Variants in TBC1D2 observed in about 807,000 individuals in gnomAD.
TBC1D2 encodes TBC1 domain family member 2.
A neutral mutation model predicts 91.1 loss-of-function variants in TBC1D2; 58 were observed. The observed-to-expected ratio is 0.64, with a 90% CI of 0.52 to 0.79. The LOEUF (loss-of-function observed/expected upper bound fraction) is 0.79. Ranked by LOEUF, TBC1D2 falls within the 30% of genes least tolerant of loss-of-function variation. The pLI is 0.00. For synonymous variants in TBC1D2, 482 were observed against 511.5 expected (o/e 0.94, Z 0.78); for missense variants, 1,080 against 1,208.3 (o/e 0.89, Z 1.57).
intron 3 of TBC1D2, among the ~76,000 whole-genome samples, chr9:98,237,906 T>A (rs1829546828): frequency 6.8e-6 from 1 of 147,708 alleles, no homozygotes; most frequent in African/African-American, 2.4e-5. Flanking sequence ...TTTTCTTTTT[T>A]TTCTTTTTTT....
rs999616268 is a variant in TBC1D2 at position 98,228,674 on chromosome 9, G to A, written c.978+278C>T. Among the ~76,000 whole-genome samples, 19 of 152,202 alleles carry A rather than the reference G, an allele frequency of 1.2e-4. No homozygotes were observed. The highest frequency in any genetic ancestry group is 2.2e-4 in the Non-Finnish European group (15 of 68,034). ...TAATGTCATTTTCTGGGTAGGGGGT[G>A]AGACCATGCATGGCCCTCCAGGAGG... is the stretch of plus-strand genomic sequence containing the variant. On this transcript the variant is annotated intron_variant, in intron 5 of 12. Transcript: ENST00000465784. The surrounding 1 kb of genome is among the most constrained non-coding windows in gnomAD (Gnocchi z 4.0).
intron 8 of TBC1D2, among the ~76,000 whole-genome samples, chr9:98,209,734 CTTCTTTCCT>C (rs1335821916): frequency 4.7e-4 from 61 of 129,506 alleles, no homozygotes; most frequent in African/African-American, 1.6e-3. Flanking sequence ...TCCTTCCTTC[CTTCTTTCCT>C]TTCCTTCCTT....
intron 4 of TBC1D2, among the ~76,000 whole-genome samples, chr9:98,231,692 C>T (rs1000894027): frequency 6.6e-6 from 1 of 152,174 alleles, no homozygotes; most frequent in African/African-American, 2.4e-5. Flanking sequence ...TGTTCTGTCA[C>T]TCACTCTGTG....
chr9:98,235,831 G>A (rs1210528430), intron 3 of TBC1D2, among the ~76,000 whole-genome samples: 1 of 152,068 alleles, frequency 6.6e-6, no homozygotes, highest in African/African-American at 2.4e-5. Context: ...TCAGGAGTTC[G>A]AGACCATCCT....
Position 98,243,977 on chromosome 9 carries a change from G to T in TBC1D2, c.647+17C>A. The stretch of plus-strand genomic sequence containing the variant: ...TGCCTGCAGCTTGGCTAGCCCCTCA[G>T]CTCCACTGGCACTTACTGTATTTCA... On this transcript the variant is annotated intron_variant, in intron 3 of 12. Coordinates refer to ENST00000465784, the MANE Select transcript of TBC1D2 (RefSeq NM_001267571.2). The T allele has an allele frequency of 1.3e-6, 2 of 1,592,340 alleles. No homozygotes were observed. Among genetic ancestry groups the T allele is most frequent in the Non-Finnish European group, 1.7e-6 (2 of 1,169,540 alleles).
intron 3 of TBC1D2, among the ~76,000 whole-genome samples, chr9:98,240,432 A>G (rs1325171828): frequency 6.6e-6 from 1 of 152,122 alleles, no homozygotes; most frequent in Admixed American, 6.6e-5. Context: ...CCATCTGAAA[A>G]TACAAGAATG....
At chr9:98,201,347 T>C in intron 11 of TBC1D2, 132 bp downstream of exon 11, 2 of 794,204 alleles carry the variant, frequency 2.5e-6, no homozygotes, top group Non-Finnish European at 3.9e-6. Flanking sequence ...CAGTTGACAA[T>C]GCTCTCAGGA....
intron 2 of TBC1D2, among the ~76,000 whole-genome samples, chr9:98,244,846 C>T (rs1316549945): frequency 6.6e-6 from 1 of 152,018 alleles, no homozygotes; most frequent in African/African-American, 2.4e-5. Context: ...ATCAGAATGT[C>T]TTCATATGAC....
intron 5 of TBC1D2, among the ~76,000 whole-genome samples, chr9:98,221,897 A>G (rs938736740): frequency 8.6e-5 from 13 of 151,970 alleles, no homozygotes; most frequent in Non-Finnish European, 1.5e-4. Context: ...CCAGGCTAAT[A>G]TTTGTATTTT....
intron 3 of TBC1D2, among the ~76,000 whole-genome samples, chr9:98,240,999 T>A (rs188611580): frequency 5.9e-5 from 9 of 152,294 alleles, no homozygotes; most frequent in South Asian, 4.1e-4. Context: ...GAAAGCTAGT[T>A]ATCCTCCCTG....
chr9:98,242,759 C>T (rs1413296662), intron 3 of TBC1D2, among the ~76,000 whole-genome samples: 2 of 145,446 alleles, frequency 1.4e-5, no homozygotes, highest in Admixed American at 1.4e-4. Flanking sequence ...AGCCAGGATA[C>T]AAACCCAGGC....
chr9:98,223,640 GAGTT>G (rs10558626), intron 5 of TBC1D2, among the ~76,000 whole-genome samples: 59,492 of 151,642 alleles, frequency 0.39, 11,992 homozygotes, highest in African/African-American at 0.5. Context: ...TCAATTTGGG[GAGTT>G]AGTTGACTCT....
rs375397846 is a variant in TBC1D2 at position 98,208,763 on chromosome 9, G to C, written c.2055C>G (p.Thr685=). ...TGTCGGGGAAGCTGGAGGTGGGGCA[G>C]GTGAAGTGTTTGTTGTTGGGGAAGG... ...NRTFPNNKHF[T]CPTSSFPDKL... The change falls in exon 9 of 13, where the codon ACC becomes ACG. Residue 685 remains threonine (T), a synonymous_variant. Transcript: ENST00000465784. 6.2e-5 allele frequency: 97 copies of C among 1,575,898 alleles called. No homozygotes were observed. Among genetic ancestry groups the C allele is most frequent in the Non-Finnish European group, 7.9e-5 (91 of 1,156,454 alleles).
rs1828453435 is a variant in TBC1D2 at position 98,200,274 on chromosome 9, G to A, written c.2558C>T (p.Thr853Ile). 2 of 1,613,844 alleles carry A rather than the reference G, an allele frequency of 1.2e-6. No homozygotes were observed. Among genetic ancestry groups the A allele is most frequent in the African/African-American group, 1.3e-5 (1 of 74,874 alleles). Residue 853 changes from threonine to isoleucine, a missense_variant, in exon 12 of 13, where the codon ACC becomes ATC. Physicochemically the swap from Thr to Ile is moderately conservative, Grantham distance 89. Transcript: ENST00000465784. ...TCACCGGCTGTTGGAGATGGTCTTG[G>A]TGAAGAAGCGCAGGTACTGGTAGAT... ...LEIYQYLRFF[T>I]KTISNSRKLM...
At chr9:98,209,634 A>T (rs900301962) in intron 8 of TBC1D2, among the ~76,000 whole-genome samples, 5 of 151,968 alleles carry the variant, frequency 3.3e-5, no homozygotes, top group African/African-American at 1.2e-4. Flanking sequence ...ATGTTGACTC[A>T]CCTCCACTCT....
intron 12 of TBC1D2, among the ~76,000 whole-genome samples, chr9:98,199,819 G>A (rs1828438226): frequency 6.6e-6 from 1 of 152,176 alleles, no homozygotes; most frequent in African/African-American, 2.4e-5. Flanking sequence ...GCTGGTCAGG[G>A]AAGGCTTCTT....
chr9:98,203,144 A>G (rs1472649651), intron 10 of TBC1D2, 144 bp downstream of exon 10: 2 of 1,289,110 alleles, frequency 1.6e-6, no homozygotes, highest in Admixed American at 2.3e-5. Context: ...CTTCTCTTCC[A>G]TGCAGCCAAA....
intron 9 of TBC1D2, among the ~76,000 whole-genome samples, chr9:98,207,254 C>T (rs1160686129): frequency 6.6e-6 from 1 of 152,198 alleles, no homozygotes; most frequent in African/African-American, 2.4e-5. Context: ...AGTAAGGACA[C>T]TGAATGTTGA....
At chr9:98,206,396 T>G (rs1171119120) in intron 9 of TBC1D2, among the ~76,000 whole-genome samples, 2 of 152,236 alleles carry the variant, frequency 1.3e-5, no homozygotes, top group Non-Finnish European at 2.9e-5. Flanking sequence ...CCGCCTCTCT[T>G]GGCCTCAGTT....
Sources: gnomAD v4.1 joint callset for allele counts (sites outside exome capture counted in the v4.1 genomes callset) on GRCh38, gnomAD v4.1.1 for gene constraint, Gnocchi (gnomAD v3.1) non-coding constraint, MANE v1.5 for transcripts, NCBI Gene and HGNC (gene_info 2026-07-23, HGNC 2026-07-21) for gene names.